The following SH3BP5 variants were observed in gnomAD, a reference collection of about 807,000 sequenced individuals.
SH3BP5 encodes SH3 domain binding protein 5, also known as SH3 domain-binding protein 5.
SH3BP5 carries 22 observed loss-of-function variants against 43.3 expected under a neutral mutation model. The observed-to-expected ratio is 0.51, with a 90% CI of 0.36 to 0.73. The LOEUF (loss-of-function observed/expected upper bound fraction) is 0.73, where lower values mean the gene tolerates loss of function less well. Ranked by LOEUF, SH3BP5 falls within the 30% of genes least tolerant of loss-of-function variation. SH3BP5 has a pLI of 0.00. For missense variants in SH3BP5, 529 were observed against 586.9 expected (o/e 0.90, Z 1.02); for synonymous variants, 255 against 225.8 (o/e 1.13, Z -1.16).
At chr3:15,293,026 C>T (rs983197035) in intron 3 of SH3BP5, among the ~76,000 whole-genome samples, 5 of 152,222 alleles carry the variant, frequency 3.3e-5, no homozygotes, top group African/African-American at 1.2e-4. Flanking sequence ...CATCTCCTTC[C>T]TGACCCCATC....
At position 15,304,131 on chromosome 3, in the gene SH3BP5, T is replaced by C; in HGVS notation, c.302A>G (p.Tyr101Cys). ...IGKAVEDSKPYWEARRVARQA... is the reference protein window; with the variant it reads ...IGKAVEDSKPCWEARRVARQA... The stretch of plus-strand genomic sequence containing the variant: ...CCTCGCCACCCTCCGTGCCTCCCAG[T>C]AGGGCTTGGAGTCTTCCACAGCTTT... The change falls in exon 3 of 9, where the codon TAC becomes TGC. Residue 101 changes from tyrosine to cysteine, a missense_variant. Tyr to Cys is a radical substitution (Grantham distance 194). Coordinates refer to ENST00000383791, the MANE Select transcript of SH3BP5 (RefSeq NM_004844.5). 1 of 1,614,126 alleles carries C rather than the reference T, an allele frequency of 6.2e-7. No homozygotes were observed. The highest frequency in any genetic ancestry group is 8.5e-7 in the Non-Finnish European group (1 of 1,180,010).
chr3:15,306,866 G>T (rs564640703), intron 2 of SH3BP5, among the ~76,000 whole-genome samples: 14 of 152,142 alleles, frequency 9.2e-5, no homozygotes, highest in African/African-American at 3.1e-4. Flanking sequence ...TAGAGATGGG[G>T]TTTCGCATGT....
intron 2 of SH3BP5, among the ~76,000 whole-genome samples, chr3:15,322,917 G>C (rs546366511): frequency 3.3e-5 from 5 of 151,942 alleles, no homozygotes; most frequent in African/African-American, 1.2e-4. Context: ...TGCAGTAGGC[G>C]AATCATTTGA....
chr3:15,293,780 A>G (rs1697480730), intron 3 of SH3BP5, among the ~76,000 whole-genome samples: 2 of 152,158 alleles, frequency 1.3e-5, no homozygotes, highest in South Asian at 4.1e-4. Flanking sequence ...TATGATGAAA[A>G]TAATATCGTC....
rs982476014 is a variant in SH3BP5, at chr3:15,332,554, G to A, written c.-146C>T. The A allele has an allele frequency of 4.0e-6, 5 of 1,235,124 alleles. No homozygotes were observed. The highest frequency in any genetic ancestry group is 8.8e-5 in the Admixed American group (2 of 22,810). The allele number at this position is 1,235,124 out of a possible 1,614,324, so 76.5% of individuals were successfully genotyped here. ...CGACACCCGGGAGACGCAGCTCGCC[G>A]ATGCGGATACCTCCGGCCGCGGCGG... On this transcript the variant is annotated 5_prime_UTR_variant, in exon 1 of 9. Coordinates refer to ENST00000383791, the MANE Select transcript of SH3BP5 (RefSeq NM_004844.5).
chr3:15,330,662 A>G, intron 1 of SH3BP5, 96 bp from the exon 2 acceptor site: 2 of 1,389,400 alleles, frequency 1.4e-6, no homozygotes, highest in Non-Finnish European at 1.9e-6. Context: ...CCCCAGCCCA[A>G]TTTGCAGGAA....
intron 3 of SH3BP5, among the ~76,000 whole-genome samples, chr3:15,275,477 A>C (rs1696936127): frequency 6.6e-6 from 1 of 152,212 alleles, no homozygotes; most frequent in African/African-American, 2.4e-5. Context: ...TATTTAATAC[A>C]TTATTTGAAT....
chr3:15,292,069 A>G (rs1697427494), intron 3 of SH3BP5, among the ~76,000 whole-genome samples: 1 of 152,134 alleles, frequency 6.6e-6, no homozygotes, highest in South Asian at 2.1e-4. Flanking sequence ...AACACAACCT[A>G]TGCTCTGATT....
In SH3BP5 at chr3:15,255,908, C is replaced by T; in HGVS notation, c.*178G>A. ...CAACAAGAACTCTGCTCTGAAAAAC[C>T]AGCCCAAGAGCTCTTACCCAGAAGA... On this transcript the variant is annotated 3_prime_UTR_variant, in exon 9 of 9. Coordinates refer to ENST00000383791, the MANE Select transcript of SH3BP5 (RefSeq NM_004844.5). The T allele has an allele frequency of 1.6e-6, 1 of 619,144 alleles. No homozygotes were observed. Among genetic ancestry groups the T allele is most frequent in the South Asian group, 2.0e-5 (1 of 50,012 alleles). 38.4% of individuals were successfully genotyped at this position (619,144 alleles called of 1,614,324 possible). A position where few individuals can be genotyped will look rare whatever the true frequency, so the allele number is the denominator to read the frequency against.
intron 1 of SH3BP5, among the ~76,000 whole-genome samples, chr3:15,331,106 C>T (rs945754831): frequency 3.9e-5 from 6 of 152,192 alleles, no homozygotes; most frequent in Admixed American, 2.6e-4. Context: ...CCATTCCTTT[C>T]AATAAACATT....
intron 3 of SH3BP5, among the ~76,000 whole-genome samples, chr3:15,285,110 G>A (rs757447154): frequency 6.6e-6 from 1 of 152,208 alleles, no homozygotes; most frequent in Non-Finnish European, 1.5e-5. Context: ...TAGCACAGTG[G>A]CTGGTACACT....
intron 3 of SH3BP5, among the ~76,000 whole-genome samples, chr3:15,295,075 G>A (rs1697531485): frequency 6.6e-6 from 1 of 152,064 alleles, no homozygotes. Context: ...CTGATGGGCA[G>A]CATCTCCCGC....
At chr3:15,308,690 G>A (rs998742823) in intron 2 of SH3BP5, among the ~76,000 whole-genome samples, 17 of 152,182 alleles carry the variant, frequency 1.1e-4, no homozygotes. Flanking sequence ...GTGGGGAGAA[G>A]GGGAGATTAC....
At chr3:15,306,517 C>CAAAAGAAAAGAAAAG (rs139109277) in intron 2 of SH3BP5, among the ~76,000 whole-genome samples, 1 of 151,438 alleles carries the variant, frequency 6.6e-6, no homozygotes, top group African/African-American at 2.4e-5. Context: ...AAAACAAAAA[C>CAAAAGAAAAGAAAAG]AAAAGAAAAG....
Position 15,254,555 on chromosome 3 carries a change from T to A in SH3BP5, c.*1531A>T, listed in dbSNP as rs930346444. On this transcript the variant is annotated 3_prime_UTR_variant, in exon 9 of 9. Transcript: ENST00000383791. The stretch of plus-strand genomic sequence containing the variant: ...TAATTCTCTGGGGATGAGAACTGAC[T>A]GACAGCAACACTTAAGCTTCGAGAC... The A allele has an allele frequency of 1.4e-5, 2 of 148,128 alleles. No homozygotes were observed. Among genetic ancestry groups the A allele is most frequent in the Non-Finnish European group, 2.9e-5 (2 of 68,044 alleles). The allele number at this position is 148,128 out of a possible 1,614,324, so 9.2% of individuals were successfully genotyped here.
At chr3:15,319,488 C>G (rs1456033920) in intron 2 of SH3BP5, among the ~76,000 whole-genome samples, 1 of 152,156 alleles carries the variant, frequency 6.6e-6, no homozygotes, top group Non-Finnish European at 1.5e-5. Context: ...TCAAATATGG[C>G]CTACAATTCT....
rs1301497135 is a variant in SH3BP5 at position 15,255,680 on chromosome 3, G to A, written c.*406C>T. The A allele has an allele frequency of 6.3e-6, 1 of 159,758 alleles. No individual in the cohort carries two copies. The highest frequency in any genetic ancestry group is 1.4e-5 in the Non-Finnish European group (1 of 72,978). 9.9% of individuals were successfully genotyped at this position (159,758 alleles called of 1,614,324 possible). On this transcript the variant is annotated 3_prime_UTR_variant, in exon 9 of 9. Transcript: ENST00000383791. Reference sequence around the variant, plus strand: ...TTTCTTTTTCATTTAGATATCGTGGGATAAAGTGGAGAGGACATCTCCATT... The same window carrying A: ...TTTCTTTTTCATTTAGATATCGTGGAATAAAGTGGAGAGGACATCTCCATT...
At chr3:15,330,628 C>T in intron 1 of SH3BP5, 62 bp from the exon 2 acceptor site, 1 of 1,453,966 alleles carries the variant, frequency 6.9e-7, no homozygotes, top group Non-Finnish European at 9.1e-7. Flanking sequence ...TCCAATATAA[C>T]TCAGTCCATA....
chr3:15,268,081 T>C (rs1696692301), intron 4 of SH3BP5, among the ~76,000 whole-genome samples: 1 of 152,196 alleles, frequency 6.6e-6, no homozygotes, highest in South Asian at 2.1e-4. Context: ...GAAAAGTTGT[T>C]TCTAGCCCAC....
Sources: gnomAD v4.1 joint callset for allele counts (sites outside exome capture counted in the v4.1 genomes callset) on GRCh38, gnomAD v4.1.1 for gene constraint, MANE v1.5 for transcripts, NCBI Gene and HGNC (gene_info 2026-07-23, HGNC 2026-07-21) for gene names.